The following SYT16 variants were observed in gnomAD, a reference collection of about 807,000 sequenced individuals.
SYT16 encodes the protein synaptotagmin-16.
SYT16 carries 42 observed loss-of-function variants against 61.4 expected under a neutral mutation model. The ratio of observed to expected loss-of-function variants is 0.68; its 90% CI spans 0.53 to 0.89. The LOEUF (loss-of-function observed/expected upper bound fraction) is 0.89, where lower values mean the gene tolerates loss of function less well. Ranked by LOEUF, SYT16 falls within the 40% of genes least tolerant of loss-of-function variation. The pLI, the probability that SYT16 is intolerant of heterozygous loss-of-function variation, is 0.00. For synonymous variants in SYT16, 314 were observed against 302.3 expected (o/e 1.04, Z -0.40); for missense variants, 804 against 807.3 (o/e 1.00, Z 0.05).
intron 5 of SYT16, chr14:62,079,231 C>A: frequency 4.9e-6 from 2 of 409,332 alleles, no homozygotes; most frequent in South Asian, 5.4e-5. Flanking sequence ...ACTTTTATCA[C>A]TTGAAACTAA....
At chr14:61,899,872 G>A (rs1182460836) in intron 1 of SYT16, among the ~76,000 whole-genome samples, 1 of 152,192 alleles carries the variant, frequency 6.6e-6, no homozygotes, top group East Asian at 1.9e-4. Flanking sequence ...GAGGAACTGT[G>A]TTCAGAAGGG....
chr14:61,952,099 C>A (rs1340815529), intron 1 of SYT16, among the ~76,000 whole-genome samples: 3 of 151,690 alleles, frequency 2.0e-5, no homozygotes, highest in African/African-American at 7.3e-5. Flanking sequence ...TTAAGTTCAA[C>A]AATGTTGAAC....
intron 1 of SYT16, among the ~76,000 whole-genome samples, chr14:61,874,195 C>G (rs2047416937): frequency 1.3e-5 from 2 of 152,174 alleles, no homozygotes; most frequent in Non-Finnish European, 2.9e-5. Context: ...AAGGGACAGT[C>G]CCTTTCAAAG....
At chr14:62,015,227 A>G (rs1458595449) in intron 3 of SYT16, among the ~76,000 whole-genome samples, 5 of 152,160 alleles carry the variant, frequency 3.3e-5, no homozygotes, top group Non-Finnish European at 4.4e-5. Context: ...TGAGGGGTTT[A>G]TGCTTTCCCA....
intron 3 of SYT16, among the ~76,000 whole-genome samples, chr14:62,008,850 C>A (rs78402750): frequency 0.044 from 6,717 of 151,752 alleles, 172 homozygotes; most frequent in African/African-American, 0.055. Context: ...ATTAATATAC[C>A]ATTTTCCATC....
intron 1 of SYT16, among the ~76,000 whole-genome samples, chr14:61,841,947 T>C (rs1416565954): frequency 6.6e-6 from 1 of 152,218 alleles, no homozygotes; most frequent in Non-Finnish European, 1.5e-5. Flanking sequence ...GTTCCATGAC[T>C]ATGCTATTGT....
chr14:62,050,875 C>T (rs925216809), intron 3 of SYT16, among the ~76,000 whole-genome samples: 8 of 152,252 alleles, frequency 5.3e-5, no homozygotes, highest in South Asian at 4.2e-4. Flanking sequence ...GGTGTCAGTC[C>T]GCCCCTACTG....
intron 1 of SYT16, among the ~76,000 whole-genome samples, chr14:61,925,727 G>T (rs2049510021): frequency 6.6e-6 from 1 of 152,082 alleles, no homozygotes; most frequent in Non-Finnish European, 1.5e-5. Context: ...CAATGATTAT[G>T]TTCCTCTCCC....
At chr14:62,024,903 G>C (rs563077535) in intron 3 of SYT16, among the ~76,000 whole-genome samples, 1 of 151,870 alleles carries the variant, frequency 6.6e-6, no homozygotes, top group African/African-American at 2.4e-5. Context: ...GGTGTTTCAC[G>C]TGGGCTTTTT....
intron 2 of SYT16, among the ~76,000 whole-genome samples, chr14:61,995,090 G>A (rs2052710744): frequency 6.6e-6 from 1 of 152,212 alleles, no homozygotes; most frequent in East Asian, 1.9e-4. Context: ...TGTATACATT[G>A]TATGCACATA....
Position 62,105,824 on chromosome 14 carries a change from G to A in SYT16, c.*5117G>A, listed in dbSNP as rs76655924. 12 of 152,304 alleles carry A rather than the reference G, an allele frequency of 7.9e-5. No homozygotes were observed. The East Asian group carries it at 1.7e-3, about 22-fold the overall frequency. The allele number at this position is 152,304 out of a possible 1,614,324, so 9.4% of individuals were successfully genotyped here. ...AACATGATTCTGGGATGAGAAGTGC[G>A]AGGCTACACTCCTAATATAATCAAA... On this transcript the variant is annotated 3_prime_UTR_variant, in exon 8 of 8. Coordinates refer to ENST00000683842, the MANE Select transcript of SYT16 (RefSeq NM_001367656.1).
chr14:62,041,868 T>A (rs2054744982), intron 3 of SYT16, among the ~76,000 whole-genome samples: 2 of 152,170 alleles, frequency 1.3e-5, no homozygotes, highest in Non-Finnish European at 2.9e-5. Flanking sequence ...TTGGATGGTC[T>A]CTATTGCTGT....
At chr14:62,018,381 C>T (rs780192850) in intron 3 of SYT16, among the ~76,000 whole-genome samples, 4 of 141,510 alleles carry the variant, frequency 2.8e-5, no homozygotes, top group Non-Finnish European at 4.5e-5. Context: ...GATCTCAGCT[C>T]ACTGCAACCT....
At chr14:61,910,624 G>A (rs1237757868) in intron 1 of SYT16, among the ~76,000 whole-genome samples, 5 of 151,192 alleles carry the variant, frequency 3.3e-5, no homozygotes, top group East Asian at 1.9e-4. Flanking sequence ...TCTGCCTCCC[G>A]GATTCAAAGA....
At chr14:61,872,211 TTTTG>T (rs1218476285) in intron 1 of SYT16, among the ~76,000 whole-genome samples, 3 of 152,158 alleles carry the variant, frequency 2.0e-5, no homozygotes, top group African/African-American at 7.2e-5. Context: ...CTTCCCTTAT[TTTTG>T]TTTATTTCTT....
intron 1 of SYT16, among the ~76,000 whole-genome samples, chr14:61,925,681 C>A (rs940271449): frequency 6.6e-6 from 1 of 152,118 alleles, no homozygotes; most frequent in East Asian, 1.9e-4. Flanking sequence ...CCATCTTTCA[C>A]GTTTTGGCCT....
At chr14:61,922,732 A>G (rs4902087) in intron 1 of SYT16, among the ~76,000 whole-genome samples, 30,085 of 152,188 alleles carry the variant, frequency 0.2, 3,750 homozygotes, top group East Asian at 0.35. Context: ...ATGGGTAGCA[A>G]TGAAACTAGT....
intron 3 of SYT16, among the ~76,000 whole-genome samples, chr14:62,013,396 A>G (rs939988656): frequency 2.6e-5 from 4 of 152,204 alleles, no homozygotes; most frequent in African/African-American, 9.6e-5. Context: ...CTGGCAATGA[A>G]AAAATTCCTG....
chr14:61,852,979 C>T (rs1357001757), intron 1 of SYT16, among the ~76,000 whole-genome samples: 1 of 152,092 alleles, frequency 6.6e-6, no homozygotes. Context: ...AGTGCAGGGG[C>T]GTGATCTTGG....
Sources: gnomAD v4.1 joint callset for allele counts (sites outside exome capture counted in the v4.1 genomes callset) on GRCh38, gnomAD v4.1.1 for gene constraint, MANE v1.5 for transcripts, NCBI Gene and HGNC (gene_info 2026-07-23, HGNC 2026-07-21) for gene names.